Variants in SGCD observed in about 807,000 individuals in gnomAD.
SGCD encodes the protein delta-sarcoglycan.
SGCD carries 18 observed loss-of-function variants against 36.6 expected under a neutral mutation model. That is an observed-to-expected ratio of 0.49 (90% CI 0.34 to 0.73). SGCD has a LOEUF of 0.73. SGCD is among the 30% of genes least tolerant of loss of function. The pLI, the probability that SGCD is intolerant of heterozygous loss-of-function variation, is 0.01. For missense variants in SGCD, 387 were observed against 346.7 expected (o/e 1.12, Z -0.92); for synonymous variants, 133 against 130.6 (o/e 1.02, Z -0.12).
intron 4 of SGCD, among the ~76,000 whole-genome samples, chr5:156,556,977 C>T (rs548808887): frequency 1.3e-5 from 2 of 152,142 alleles, no homozygotes; most frequent in Non-Finnish European, 2.9e-5. Flanking sequence ...TCAGTGTGAG[C>T]TATAAGTGTA....
chr5:155,831,251 C>A, the SGCD span, among the ~76,000 whole-genome samples: 1 of 152,156 alleles, frequency 6.6e-6, no homozygotes, highest in Non-Finnish European at 1.5e-5. Context: ...CCTGCTCTTG[C>A]GGTTTTGATT....
intron 4 of SGCD, among the ~76,000 whole-genome samples, chr5:156,569,334 G>A (rs143823513): frequency 2.6e-3 from 401 of 152,244 alleles, no homozygotes; most frequent in African/African-American, 9.4e-3. Context: ...GCACACGCCT[G>A]TAATCCCAGC....
chr5:156,137,840 A>G (rs1762495009), intron 3 of SGCD, among the ~76,000 whole-genome samples: 1 of 152,168 alleles, frequency 6.6e-6, no homozygotes. Flanking sequence ...GACTCATGTT[A>G]TAACACAGTG....
chr5:156,216,218 TAGAC>T (rs768448365), intron 3 of SGCD, among the ~76,000 whole-genome samples: 22 of 152,304 alleles, frequency 1.4e-4, no homozygotes, highest in East Asian at 5.8e-4. Flanking sequence ...AAATTTCAGT[TAGAC>T]AGAAGGATTA....
At chr5:155,948,777 A>G in intron 1 of SGCD, among the ~76,000 whole-genome samples, 1 of 152,162 alleles carries the variant, frequency 6.6e-6, no homozygotes, top group East Asian at 1.9e-4. Flanking sequence ...TTTTTTGTTT[A>G]TCAGTTACCC....
upstream of SGCD, among the ~76,000 whole-genome samples, chr5:156,325,344 A>C (rs1767778810): frequency 1.4e-5 from 2 of 145,806 alleles, no homozygotes; most frequent in Admixed American, 1.4e-4. Flanking sequence ...GTTAGAGAAA[A>C]GGTTTGCATT....
intron 3 of SGCD, among the ~76,000 whole-genome samples, chr5:156,507,814 T>G (rs935647453): frequency 2.9e-4 from 44 of 152,302 alleles, no homozygotes; most frequent in African/African-American, 9.9e-4. Flanking sequence ...GCCTAGTATT[T>G]TATGTAGCAA....
At chr5:156,271,476 T>A (rs1561594315) in intron 3 of SGCD, among the ~76,000 whole-genome samples, 1 of 152,190 alleles carries the variant, frequency 6.6e-6, no homozygotes, top group Non-Finnish European at 1.5e-5. Flanking sequence ...ACCATGAATT[T>A]AAGCCTTTGG....
intron 3 of SGCD, among the ~76,000 whole-genome samples, chr5:156,364,835 C>T (rs540778873): frequency 1.4e-4 from 21 of 152,206 alleles, no homozygotes; most frequent in African/African-American, 5.1e-4. Flanking sequence ...GTATCTTTGC[C>T]ATTTTCTCTC....
intron 1 of SGCD, among the ~76,000 whole-genome samples, chr5:156,080,696 G>A (rs944978072): frequency 6.6e-6 from 1 of 152,150 alleles, no homozygotes; most frequent in Non-Finnish European, 1.5e-5. Flanking sequence ...CTTTGCTATG[G>A]CATAAAATGG....
At chr5:156,752,205 A>G (rs1291984777) in intron 7 of SGCD, among the ~76,000 whole-genome samples, 1 of 152,220 alleles carries the variant, frequency 6.6e-6, no homozygotes, top group Non-Finnish European at 1.5e-5. Context: ...AGTATGCAAT[A>G]GTAGTGTATT....
At chr5:155,786,684 C>A in the SGCD span, among the ~76,000 whole-genome samples, 1 of 152,088 alleles carries the variant, frequency 6.6e-6, no homozygotes, top group Non-Finnish European at 1.5e-5. Flanking sequence ...CTCCACACAC[C>A]TAAAGAGAGA....
At chr5:156,580,505 G>T (rs1760208216) in intron 4 of SGCD, among the ~76,000 whole-genome samples, 1 of 152,150 alleles carries the variant, frequency 6.6e-6, no homozygotes, top group South Asian at 2.1e-4. Flanking sequence ...TTCCAACTTG[G>T]TTCCATTCTC....
intron 3 of SGCD, among the ~76,000 whole-genome samples, chr5:156,190,818 T>C (rs1763873981): frequency 6.6e-6 from 1 of 152,156 alleles, no homozygotes; most frequent in African/African-American, 2.4e-5. Flanking sequence ...AATTTTCTTC[T>C]GCACCATCTA....
At chr5:155,753,187 A>G in the SGCD span, among the ~76,000 whole-genome samples, 1 of 152,038 alleles carries the variant, frequency 6.6e-6, no homozygotes, top group African/African-American at 2.4e-5. Flanking sequence ...AAATACAAAA[A>G]TTAGCTGGGC....
chr5:156,044,892 C>T (rs1759724499), intron 1 of SGCD, among the ~76,000 whole-genome samples: 1 of 152,062 alleles, frequency 6.6e-6, no homozygotes, highest in Non-Finnish European at 1.5e-5. Context: ...TACACACATG[C>T]ACACTGCCTA....
At chr5:156,179,424 C>T (rs938342061) in intron 3 of SGCD, among the ~76,000 whole-genome samples, 1 of 151,854 alleles carries the variant, frequency 6.6e-6, no homozygotes, top group African/African-American at 2.4e-5. Flanking sequence ...AAAAATGTTT[C>T]AATAATTCTT....
chr5:156,588,298 T>C (rs1177158623), intron 4 of SGCD, among the ~76,000 whole-genome samples: 1 of 151,980 alleles, frequency 6.6e-6, no homozygotes, highest in Non-Finnish European at 1.5e-5. Context: ...AAAGAATATC[T>C]CATGTCATAT....
chr5:155,978,469 T>C (rs1218366859), intron 1 of SGCD, among the ~76,000 whole-genome samples: 1 of 152,250 alleles, frequency 6.6e-6, no homozygotes, highest in Non-Finnish European at 1.5e-5. Flanking sequence ...GTCTCAATGA[T>C]AGTGTGGCAA....
Sources: gnomAD v4.1 joint callset for allele counts (sites outside exome capture counted in the v4.1 genomes callset) on GRCh38, gnomAD v4.1.1 for gene constraint, MANE v1.5 for transcripts, NCBI Gene and HGNC (gene_info 2026-07-23, HGNC 2026-07-21) for gene names.